The following NFATC4 variants were observed in gnomAD, a reference collection of about 807,000 sequenced individuals.
NFATC4 encodes the protein nuclear factor of activated T-cells, cytoplasmic 4.
A neutral mutation model predicts 73.4 loss-of-function variants in NFATC4; 25 were observed. The observed-to-expected ratio is 0.34, with a 90% CI of 0.25 to 0.48. The LOEUF is 0.48. Ranked by LOEUF, NFATC4 falls within the 20% of genes least tolerant of loss-of-function variation. NFATC4 has a pLI of 0.99. For missense variants in NFATC4, 1,130 were observed against 1,203.7 expected (o/e 0.94, Z 0.91); for synonymous variants, 523 against 510.3 (o/e 1.02, Z -0.34).
chr14:24,369,602 G>T lies in NFATC4; in HGVS notation c.204G>T (p.Arg68=). ...GTATTCCCCGACCTCCACCCCCTCG[G>T]CCTGGCATGCATTCGCCACCGCCGC... is the stretch of plus-strand genomic sequence containing the variant. ...PIGIPRPPPP[R]PGMHSPPPRP... Residue 68 remains arginine, a synonymous_variant, in exon 2 of 10, where the codon CGG becomes CGT. Coordinates refer to ENST00000250373, the MANE Select transcript of NFATC4 (RefSeq NM_004554.5). 6.2e-7 allele frequency: 1 copy of T among 1,613,220 alleles called. No homozygotes were observed. Among genetic ancestry groups the T allele is most frequent in the Non-Finnish European group, 8.5e-7 (1 of 1,179,876 alleles).
rs2042618721 is a variant in NFATC4 at position 24,376,397 on chromosome 14, C to T, written c.2160C>T (p.Pro720=). ...ACATGGACTTCTCACCACCCAGGCCCCCCTACCCCTCCTATCCCCATGAAG... is the reference window on the plus strand; with the variant it reads ...ACATGGACTTCTCACCACCCAGGCCTCCCTACCCCTCCTATCCCCATGAAG... The part of the protein sequence containing the change: ...GTDMDFSPPR[P]PYPSYPHEDP... The change falls in exon 9 of 10, where the codon CCC becomes CCT. Residue 720 remains proline (P), a synonymous_variant. Transcript: ENST00000250373. This position sits in a 1 kb window ranked among gnomAD's most constrained non-coding sequence, Gnocchi z 5.0. The T allele has an allele frequency of 1.9e-6, 3 of 1,613,534 alleles. No individual in the cohort carries two copies. Among genetic ancestry groups the T allele is most frequent in the Non-Finnish European group, 2.5e-6 (3 of 1,179,686 alleles).
At position 24,376,079 on chromosome 14, in the gene NFATC4, C is replaced by G. The variant is rs2042606269; in HGVS notation, c.2034C>G (p.Thr678=). The change falls in exon 8 of 10, where the codon ACC becomes ACG. Residue 678 remains threonine, a synonymous_variant. Transcript: ENST00000250373. This position sits in a 1 kb window ranked among gnomAD's most constrained non-coding sequence, Gnocchi z 5.0. The part of the protein sequence containing the change: ...VSNGRRKRSP[T]QSFRFLPVIC... ...ATGGGCGGAGGAAACGCAGTCCTACCCAGAGTTTCAGGTTTCTGCCTGGTG... is the reference window on the plus strand; with the variant it reads ...ATGGGCGGAGGAAACGCAGTCCTACGCAGAGTTTCAGGTTTCTGCCTGGTG... 1 of 1,613,898 alleles carries G rather than the reference C, an allele frequency of 6.2e-7. No homozygotes were observed. Among genetic ancestry groups the G allele is most frequent in the African/African-American group, 1.3e-5 (1 of 74,874 alleles).
At chr14:24,368,102 G>A (rs2042355071), upstream of NFATC4, 1 of 1,186,866 alleles carries the variant, frequency 8.4e-7, no homozygotes, top group Non-Finnish European at 1.0e-6. Context: ...AGGGGCTGGA[G>A]CATCCCCGGC....
chr14:24,370,657 A>G, intron 2 of NFATC4, 63 bp downstream of exon 2: 2 of 1,544,368 alleles, frequency 1.3e-6, no homozygotes, highest in Non-Finnish European at 1.8e-6. Flanking sequence ...CAGGAGGGTC[A>G]AGGGATGGAT....
At position 24,374,611 on chromosome 14, in the gene NFATC4, A is replaced by G. The variant is rs2139303643; in HGVS notation, c.1873+145A>G. The G allele has an allele frequency of 4.1e-6, 3 of 739,998 alleles. 1 individual carries two copies. In the East Asian group the frequency reaches 8.3e-5, roughly 20 times the overall value. 45.8% of individuals were successfully genotyped at this position (739,998 alleles called of 1,614,324 possible). ...GGACAGACAGACTACCCTTTCTATT[A>G]TACTGTCTGCTTTCCATGTGGGATG... On this transcript the variant is annotated intron_variant, in intron 6 of 9. Transcript: ENST00000250373.
chr14:24,373,548 G>A lies in NFATC4; in HGVS notation c.1560-147G>A. On this transcript the variant is annotated intron_variant, in intron 4 of 9. Transcript: ENST00000250373. This position sits in a 1 kb window ranked among gnomAD's most constrained non-coding sequence, Gnocchi z 4.7. The stretch of plus-strand genomic sequence containing the variant: ...TTGGGGTTGGGGGTACCCCAGAGAG[G>A]CCATCTCTGGGTTAGAAAATAGCCT... 1 of 1,384,858 alleles carries A rather than the reference G, an allele frequency of 7.2e-7. No individual in the cohort carries two copies. 85.8% of individuals were successfully genotyped at this position (1,384,858 alleles called of 1,614,324 possible). A position where few individuals can be genotyped will look rare whatever the true frequency, so the allele number is the denominator to read the frequency against.
chr14:24,378,089 T>C lies in NFATC4; in HGVS notation c.*384T>C, dbSNP rs778226946. The C allele has an allele frequency of 5.6e-5, 13 of 233,650 alleles. No homozygotes were observed. Among genetic ancestry groups the C allele is most frequent in the Non-Finnish European group, 9.4e-5 (11 of 116,682 alleles). 14.5% of individuals were successfully genotyped at this position (233,650 alleles called of 1,614,324 possible). A position where few individuals can be genotyped will look rare whatever the true frequency, so the allele number is the denominator to read the frequency against. The stretch of plus-strand genomic sequence containing the variant: ...CTCCAGAGCTCTTTGGAGAGATGGG[T>C]TGGGGCAGCTTACTCCAGCCCTGGC... On this transcript the variant is annotated 3_prime_UTR_variant, in exon 10 of 10. Transcript: ENST00000250373.
chr14:24,374,022 C>T (rs761379514), intron 5 of NFATC4, 155 bp downstream of exon 5: 8 of 1,155,336 alleles, frequency 6.9e-6, no homozygotes, highest in Non-Finnish European at 8.8e-6. Flanking sequence ...CTAGTTTGCC[C>T]CTGCCACAGA....
At chr14:24,367,985 CA>C, upstream of NFATC4, 4 of 1,031,070 alleles carry the variant, frequency 3.9e-6, no homozygotes, top group Non-Finnish European at 4.6e-6. Context: ...GACCGTTTTC[CA>C]ATTCAGTTTT....
At position 24,372,537 on chromosome 14, in the gene NFATC4, C is replaced by A. The variant is rs777167253; in HGVS notation, c.1293C>A (p.Ala431=). 2.5e-6 allele frequency: 4 copies of A among 1,614,010 alleles called. No homozygotes were observed. The African/African-American group carries it at 4.0e-5, about 16-fold the overall frequency. The change falls in exon 3 of 10, where the codon GCC becomes GCA. Residue 431 remains alanine, a synonymous_variant. Coordinates refer to ENST00000250373, the MANE Select transcript of NFATC4 (RefSeq NM_004554.5). ...TACAGCCTAGAGCCCACCACCGGGC[C>A]CACTATGAGACAGAAGGCAGCCGTG... ...IEVQPRAHHR[A]HYETEGSRGA...
At chr14:24,374,112 C>A in intron 5 of NFATC4, 1 of 879,064 alleles carries the variant, frequency 1.1e-6, no homozygotes, top group Non-Finnish European at 1.8e-6. Context: ...TGGGAAACTC[C>A]CTGGTCTACC....
chr14:24,369,451 G>A (rs781591669), intron 1 of NFATC4, 48 bp from the exon 2 acceptor site: 2 of 1,611,700 alleles, frequency 1.2e-6, no homozygotes, highest in Non-Finnish European at 1.7e-6. Flanking sequence ...CATCTCACCT[G>A]CTTCTCTCTT....
chr14:24,367,901 G>T (rs1284223652), upstream of NFATC4: 138 of 1,326,118 alleles, frequency 1.0e-4, 1 homozygote, highest in Non-Finnish European at 6.7e-6. Flanking sequence ...TAGGGGAGGT[G>T]GGGGCTGGGC....
Position 24,369,944 on chromosome 14 carries a change from C to T in NFATC4, c.546C>T (p.Phe182=), listed in dbSNP as rs1195799356. ...GSSSLSSWSF[F]SDASDEAALY... ...GCAGCCTGTCCTCGTGGAGCTTCTT[C>T]TCCGATGCCTCTGACGAGGCAGCCC... The change falls in exon 2 of 10, where the codon TTC becomes TTT. Residue 182 remains phenylalanine, a synonymous_variant. Transcript: ENST00000250373. 4 of 1,612,870 alleles carry T rather than the reference C, an allele frequency of 2.5e-6. No individual in the cohort carries two copies. Among genetic ancestry groups the T allele is most frequent in the East Asian group, 4.5e-5 (2 of 44,880 alleles).
chr14:24,371,107 A>G (rs2042462622), intron 2 of NFATC4, among the ~76,000 whole-genome samples: 1 of 152,246 alleles, frequency 6.6e-6, no homozygotes, highest in African/African-American at 2.4e-5. Context: ...ATAAAATAGC[A>G]TATATTTGCA....
At chr14:24,369,108 T>A (rs1319430426) in intron 1 of NFATC4, 2 of 1,430,986 alleles carry the variant, frequency 1.4e-6, no homozygotes, top group African/African-American at 2.9e-5. Flanking sequence ...CTGGGGCTCC[T>A]GCCAGCGCCG....
In NFATC4 at chr14:24,369,870, G is replaced by T. The variant is rs918602142; in HGVS notation, c.472G>T (p.Ala158Ser). Residue 158 changes from alanine (A) to serine (S), a missense_variant, in exon 2 of 10, where the codon GCA (alanine) becomes TCA (serine). Physicochemically the swap from Ala to Ser is moderately conservative, Grantham distance 99. Coordinates refer to ENST00000250373, the MANE Select transcript of NFATC4 (RefSeq NM_004554.5). Reference sequence around the variant, plus strand: ...AGAAGGCTTTGGGGGCTACAGAGAAGCAGGGGGCCAGGGTGGGGGGGCCTT... The same window carrying T: ...AGAAGGCTTTGGGGGCTACAGAGAATCAGGGGGCCAGGGTGGGGGGGCCTT... ...PPEGFGGYRE[A>S]GGQGGGAFFS... The T allele has an allele frequency of 4.3e-6, 7 of 1,610,234 alleles. 1 individual carries two copies. The Admixed American group carries it at 5.0e-5, about 12-fold the overall frequency.
At chr14:24,367,935 AACGGCGG>A (rs774745646), upstream of NFATC4, 504 of 1,260,150 alleles carry the variant, frequency 4.0e-4, no homozygotes, top group Non-Finnish European at 4.8e-4. Flanking sequence ...TGATTGTCAC[AACGGCGG>A]ACCAATAGGC....
At position 24,369,851 on chromosome 14, in the gene NFATC4, C is replaced by T. The variant is rs1479173974; in HGVS notation, c.453C>T (p.Gly151=). 1.2e-6 allele frequency: 2 copies of T among 1,608,552 alleles called. No individual in the cohort carries two copies. The highest frequency in any genetic ancestry group is 1.3e-5 in the African/African-American group (1 of 74,978). The part of the protein sequence containing the change: ...GSPRDYPPPE[G]FGGYREAGGQ... ...CTAGAGATTACCCCCCACCAGAAGG[C>T]TTTGGGGGCTACAGAGAAGCAGGGG... Residue 151 remains glycine (G), a synonymous_variant, in exon 2 of 10, where the codon GGC becomes GGT. Transcript: ENST00000250373.
Sources: allele counts gnomAD v4.1 joint callset (sites outside exome capture counted in the v4.1 genomes callset), GRCh38; gene constraint gnomAD v4.1.1; non-coding constraint Gnocchi (gnomAD v3.1); transcripts MANE v1.5; gene names NCBI Gene and HGNC (gene_info 2026-07-23, HGNC 2026-07-21).